DLGAP1: variants seen among roughly 807,000 people sequenced by gnomAD.
DLGAP1 encodes disks large-associated protein 1.
In DLGAP1, 11 loss-of-function variants were observed where a neutral mutation model predicts 90.8. The ratio of observed to expected loss-of-function variants is 0.12; its 90% CI spans 0.08 to 0.20. The LOEUF (loss-of-function observed/expected upper bound fraction) is 0.20, where lower values mean the gene tolerates loss of function less well. Among genes scored for constraint, DLGAP1 ranks in the 10% least tolerant of loss-of-function variants. The pLI is 1.00. For synonymous variants in DLGAP1, 558 were observed against 540.7 expected, an observed-to-expected ratio of 1.03 and a Z score of -0.44; for missense variants, 1,050 against 1,333.8, an observed-to-expected ratio of 0.79 and a Z score of 3.31.
At chr18:3,633,128 T>G (rs1174942526) in intron 7 of DLGAP1, among the ~76,000 whole-genome samples, 1 of 152,242 alleles carries the variant, frequency 6.6e-6, no homozygotes, top group Non-Finnish European at 1.5e-5. Flanking sequence ...CTGGGCACGG[T>G]GGCTCATGCC....
At chr18:4,375,151 A>G (rs1333654795) in intron 1 of DLGAP1, among the ~76,000 whole-genome samples, 3 of 152,102 alleles carry the variant, frequency 2.0e-5, no homozygotes, top group East Asian at 1.9e-4. Flanking sequence ...ATTAGATGCA[A>G]TTTTATCACT....
At chr18:3,898,045 T>G (rs142123542) in intron 3 of DLGAP1, among the ~76,000 whole-genome samples, 5 of 151,828 alleles carry the variant, frequency 3.3e-5, no homozygotes, top group South Asian at 2.1e-4. Context: ...CCGCCCGCCT[T>G]GGCCTCCCAA....
chr18:4,451,059 G>A (rs1041519270), intron 1 of DLGAP1, among the ~76,000 whole-genome samples: 6 of 152,172 alleles, frequency 3.9e-5, no homozygotes, highest in Non-Finnish European at 5.9e-5. Context: ...ACTCCTATAG[G>A]AGGGAGAAAA....
At chr18:3,977,752 C>T in intron 3 of DLGAP1, 1 of 350,348 alleles carries the variant, frequency 2.9e-6, no homozygotes, top group Non-Finnish European at 5.4e-6. Flanking sequence ...GAGGGCAATG[C>T]CCACCCCAGC....
chr18:4,186,546 T>C (rs963566035), intron 1 of DLGAP1, among the ~76,000 whole-genome samples: 3 of 152,172 alleles, frequency 2.0e-5, no homozygotes, highest in African/African-American at 7.2e-5. Context: ...TTTTCCCCAT[T>C]GTTTGTTTTT....
At chr18:3,502,470 A>G in intron 12 of DLGAP1, 23 bp downstream of exon 12, 1 of 1,613,944 alleles carries the variant, frequency 6.2e-7, no homozygotes, top group Non-Finnish European at 8.5e-7. Context: ...TAAATGAACC[A>G]TACAAAATCT....
chr18:3,887,494 A>G (rs992815233), intron 3 of DLGAP1, among the ~76,000 whole-genome samples: 2 of 152,334 alleles, frequency 1.3e-5, no homozygotes, highest in South Asian at 2.1e-4. Flanking sequence ...TTGCAAGAGC[A>G]GTTTATGAGA....
intron 3 of DLGAP1, among the ~76,000 whole-genome samples, chr18:3,928,313 C>T (rs1174094080): frequency 6.6e-6 from 1 of 152,148 alleles, no homozygotes; most frequent in Non-Finnish European, 1.5e-5. Flanking sequence ...TGTTGATGCT[C>T]TCAAGTCTTT....
At chr18:4,436,600 G>C (rs1202898200) in intron 1 of DLGAP1, among the ~76,000 whole-genome samples, 1 of 50,982 alleles carries the variant, frequency 2.0e-5, no homozygotes, top group Non-Finnish European at 4.3e-5. Context: ...GGATACTGAG[G>C]TGGTCTAGAA....
chr18:3,537,289 T>G (rs1568154006), intron 9 of DLGAP1, among the ~76,000 whole-genome samples: 1 of 152,212 alleles, frequency 6.6e-6, no homozygotes, highest in Non-Finnish European at 1.5e-5. Context: ...CAGGCAGCCA[T>G]CATTCCACTT....
At chr18:4,276,447 C>T (rs2079417031) in intron 1 of DLGAP1, among the ~76,000 whole-genome samples, 1 of 151,696 alleles carries the variant, frequency 6.6e-6, no homozygotes, top group South Asian at 2.1e-4. Context: ...ACCAGCCTGG[C>T]CAACGTGGTG....
chr18:4,440,953 T>G (rs1416476393), intron 1 of DLGAP1, among the ~76,000 whole-genome samples: 1 of 152,256 alleles, frequency 6.6e-6, no homozygotes, highest in Non-Finnish European at 1.5e-5. Context: ...TAACAATGTC[T>G]ACTTAAATAG....
intron 7 of DLGAP1, among the ~76,000 whole-genome samples, chr18:3,598,760 G>A (rs528874369): frequency 6.6e-5 from 10 of 151,566 alleles, no homozygotes; most frequent in Non-Finnish European, 8.8e-5. Context: ...GAGCCACCGC[G>A]CCCGGTCCCC....
chr18:3,579,895 G>A (rs1022779776), intron 8 of DLGAP1, among the ~76,000 whole-genome samples: 5 of 152,052 alleles, frequency 3.3e-5, no homozygotes, highest in African/African-American at 9.7e-5. Context: ...GGTCTTGCTC[G>A]CCTTCACTCC....
At chr18:4,029,659 G>A (rs983369441) in intron 2 of DLGAP1, among the ~76,000 whole-genome samples, 6 of 152,170 alleles carry the variant, frequency 3.9e-5, no homozygotes, top group Admixed American at 2.6e-4. Context: ...TCACCCTAAT[G>A]CCTACGTTTC....
chr18:4,368,963 G>A (rs960191338), intron 1 of DLGAP1, among the ~76,000 whole-genome samples: 2 of 152,148 alleles, frequency 1.3e-5, no homozygotes, highest in Non-Finnish European at 2.9e-5. Flanking sequence ...AGCAGTAACT[G>A]TGGAGCAAAG....
chr18:3,630,449 T>A (rs2058483091), intron 7 of DLGAP1, among the ~76,000 whole-genome samples: 1 of 152,174 alleles, frequency 6.6e-6, no homozygotes, highest in African/African-American at 2.4e-5. Flanking sequence ...ACTCGAGATC[T>A]TGGGAATTCT....
chr18:4,080,825 A>G (rs1045031182), intron 2 of DLGAP1, among the ~76,000 whole-genome samples: 2 of 151,558 alleles, frequency 1.3e-5, no homozygotes, highest in Admixed American at 6.6e-5. Context: ...TAAGCTTCTG[A>G]GCCCCATGAG....
intron 9 of DLGAP1, 68 bp downstream of exon 9, chr18:3,567,422 C>G (rs190567197): frequency 1.5e-6 from 2 of 1,329,904 alleles, no homozygotes; most frequent in Admixed American, 3.8e-5. Context: ...AGACTTATCA[C>G]GGGGAAAAAT....
Sources: allele counts gnomAD v4.1 joint callset (sites outside exome capture counted in the v4.1 genomes callset), GRCh38; gene constraint gnomAD v4.1.1; transcripts MANE v1.5; gene names NCBI Gene and HGNC (gene_info 2026-07-23, HGNC 2026-07-21).